CTNND2: variants seen among roughly 807,000 people sequenced by gnomAD.
CTNND2 encodes the protein catenin delta-2.
In CTNND2, 22 loss-of-function variants were observed where a neutral mutation model predicts 144.4. The ratio of observed to expected loss-of-function variants is 0.15; its 90% CI spans 0.11 to 0.22. The LOEUF is 0.22. Among genes scored for constraint, CTNND2 ranks in the 10% least tolerant of loss-of-function variants. The pLI, the probability that CTNND2 is intolerant of heterozygous loss-of-function variation, is 1.00. For synonymous variants in CTNND2, 751 were observed against 695.6 expected, an observed-to-expected ratio of 1.08 and a Z score of -1.25; for missense variants, 1,353 against 1,618.8, an observed-to-expected ratio of 0.84 and a Z score of 2.82.
chr5:11,452,249 T>C (rs1318504095), intron 3 of CTNND2, among the ~76,000 whole-genome samples: 2 of 152,210 alleles, frequency 1.3e-5, no homozygotes, highest in African/African-American at 4.8e-5. Context: ...TTTTCAACTA[T>C]TATGGTGGAT....
chr5:11,311,827 TCA>T (rs1169245922), intron 9 of CTNND2, among the ~76,000 whole-genome samples: 10 of 72,118 alleles, frequency 1.4e-4, no homozygotes, highest in African/African-American at 2.3e-4. Context: ...CAGCCCACAC[TCA>T]CACACACTCC....
intron 9 of CTNND2, among the ~76,000 whole-genome samples, chr5:11,341,338 A>T (rs1157886939): frequency 1.3e-5 from 2 of 152,216 alleles, no homozygotes; most frequent in Non-Finnish European, 2.9e-5. Context: ...GAAAAATAAA[A>T]TGGTTCAAGA....
At chr5:11,219,148 T>C (rs1195667814) in intron 10 of CTNND2, among the ~76,000 whole-genome samples, 2 of 152,220 alleles carry the variant, frequency 1.3e-5, no homozygotes, top group Non-Finnish European at 2.9e-5. Flanking sequence ...CCTCAGCATG[T>C]GGTCCCAGAT....
chr5:11,542,648 T>C (rs1167119717), intron 3 of CTNND2, among the ~76,000 whole-genome samples: 2 of 152,238 alleles, frequency 1.3e-5, no homozygotes, highest in East Asian at 1.9e-4. Context: ...ATTATAATTA[T>C]GCTTTTAAAA....
At chr5:11,107,833 C>T (rs1580306387) in intron 14 of CTNND2, among the ~76,000 whole-genome samples, 1 of 146,744 alleles carries the variant, frequency 6.8e-6, no homozygotes, top group East Asian at 2.0e-4. Context: ...GGCAAAGTCT[C>T]ACCAGGAAAG....
At chr5:11,445,597 T>C (rs574598115) in intron 3 of CTNND2, among the ~76,000 whole-genome samples, 5 of 152,294 alleles carry the variant, frequency 3.3e-5, no homozygotes, top group African/African-American at 1.2e-4. Flanking sequence ...TGCCTGGGAT[T>C]TCCACCTTGG....
intron 9 of CTNND2, among the ~76,000 whole-genome samples, chr5:11,336,416 A>G (rs1753732371): frequency 1.3e-5 from 2 of 152,342 alleles, no homozygotes; most frequent in Admixed American, 6.5e-5. Context: ...AAAATTTTAT[A>G]GCTACTATGA....
chr5:11,256,697 A>C (rs1336048108), intron 9 of CTNND2, among the ~76,000 whole-genome samples: 1 of 152,216 alleles, frequency 6.6e-6, no homozygotes, highest in Non-Finnish European at 1.5e-5. Flanking sequence ...TCATTAATTC[A>C]GCAAACATTT....
At chr5:11,681,089 G>C (rs964912332) in intron 2 of CTNND2, among the ~76,000 whole-genome samples, 1 of 152,154 alleles carries the variant, frequency 6.6e-6, no homozygotes, top group Non-Finnish European at 1.5e-5. Flanking sequence ...AATGAGATGC[G>C]AAGAAGATCT....
intron 1 of CTNND2, among the ~76,000 whole-genome samples, chr5:11,865,249 G>A (rs1795708607): frequency 6.6e-6 from 1 of 152,144 alleles, no homozygotes; most frequent in South Asian, 2.1e-4. Context: ...AGATGGAGAA[G>A]AGCATATTTA....
intron 1 of CTNND2, among the ~76,000 whole-genome samples, chr5:11,866,751 G>T (rs1480053522): frequency 6.6e-6 from 1 of 152,104 alleles, no homozygotes; most frequent in Non-Finnish European, 1.5e-5. Context: ...CTACACTACT[G>T]CTCATGCAAA....
chr5:11,330,657 C>T (rs761247559), intron 9 of CTNND2, among the ~76,000 whole-genome samples: 1 of 151,552 alleles, frequency 6.6e-6, no homozygotes, highest in Non-Finnish European at 1.5e-5. Context: ...ACCCCCACCC[C>T]CTGTCTCTAC....
chr5:11,082,913 T>G, intron 15 of CTNND2, 67 bp from the exon 16 acceptor site: 3 of 1,564,292 alleles, frequency 1.9e-6, no homozygotes, highest in Non-Finnish European at 2.6e-6. Context: ...ATAGTACATT[T>G]GCGTTTTCAG....
At chr5:11,415,943 C>T (rs1761903597) in intron 3 of CTNND2, among the ~76,000 whole-genome samples, 1 of 152,120 alleles carries the variant, frequency 6.6e-6, no homozygotes, top group African/African-American at 2.4e-5. Context: ...GGAATGGAGA[C>T]TTCTGCCAAC....
chr5:11,099,166 A>T (rs1258173496), intron 14 of CTNND2, among the ~76,000 whole-genome samples: 3 of 152,216 alleles, frequency 2.0e-5, no homozygotes, highest in Non-Finnish European at 4.4e-5. Flanking sequence ...CCAACAACAA[A>T]TGCCCTCACT....
At chr5:11,642,162 C>T (rs943004526) in intron 2 of CTNND2, among the ~76,000 whole-genome samples, 1 of 152,038 alleles carries the variant, frequency 6.6e-6, no homozygotes. Flanking sequence ...TGAGGTAGAT[C>T]CATTCTATCA....
intron 9 of CTNND2, among the ~76,000 whole-genome samples, chr5:11,321,029 A>G (rs1751976898): frequency 6.6e-6 from 1 of 152,220 alleles, no homozygotes; most frequent in Admixed American, 6.5e-5. Context: ...AAATGTATGC[A>G]TATGACCTTT....
chr5:11,009,093 T>C (rs1199520782), intron 18 of CTNND2, among the ~76,000 whole-genome samples: 1 of 152,204 alleles, frequency 6.6e-6, no homozygotes, highest in African/African-American at 2.4e-5. Context: ...GGCACAAAAT[T>C]TGTATCTTCC....
chr5:11,048,894 C>T (rs1024621501), intron 16 of CTNND2, among the ~76,000 whole-genome samples: 1 of 152,174 alleles, frequency 6.6e-6, no homozygotes, highest in African/African-American at 2.4e-5. Flanking sequence ...ATATTTTGGG[C>T]TGGACCATGC....
Sources: gnomAD v4.1 joint callset for allele counts (sites outside exome capture counted in the v4.1 genomes callset) on GRCh38, gnomAD v4.1.1 for gene constraint, MANE v1.5 for transcripts, NCBI Gene and HGNC (gene_info 2026-07-23, HGNC 2026-07-21) for gene names.